Variants in MUC5B observed in about 807,000 individuals in gnomAD.
The protein encoded by MUC5B is mucin 5B, oligomeric mucus/gel-forming.
Under a neutral mutation model 376.9 loss-of-function variants are expected in MUC5B, and 116 were observed. That is an observed-to-expected ratio of 0.31 (90% CI 0.26 to 0.36). The LOEUF (loss-of-function observed/expected upper bound fraction) is 0.36. Ranked by LOEUF, MUC5B falls within the 10% of genes least tolerant of loss-of-function variation. The pLI is 1.00. For synonymous variants in MUC5B, 3,517 were observed against 3,390.9 expected (o/e 1.04, Z -1.29); for missense variants, 7,165 against 7,769.9 (o/e 0.92, Z 2.93).
At position 1,258,097 on chromosome 11, in the gene MUC5B, A is replaced by C. The variant is rs1378354278; in HGVS notation, c.16451-2A>C. 6 of 1,579,022 alleles carry C rather than the reference A, an allele frequency of 3.8e-6. No individual in the cohort carries two copies. The highest frequency in any genetic ancestry group is 5.2e-6 in the Non-Finnish European group (6 of 1,164,544). ...CAGACAGTGGCCTCCATCCTCCCGC[A>C]GTGTGCAACACAACCACCTGCCCCC... On this transcript the variant is annotated splice_acceptor_variant, in intron 41 of 48. Coordinates refer to ENST00000529681, the MANE Select transcript of MUC5B (RefSeq NM_002458.3). LOFTEE classifies it high-confidence loss of function. The surrounding 1 kb of genome is among the most constrained non-coding windows in gnomAD (Gnocchi z 5.5).
chr11:1,254,567 TG>T, intron 34 of MUC5B, 126 bp from the exon 35 acceptor site: 1 of 1,235,228 alleles, frequency 8.1e-7, no homozygotes, highest in Non-Finnish European at 1.1e-6. Flanking sequence ...AGGGAAGATC[TG>T]GGCTTTGGGG....
Position 1,230,114 on chromosome 11 carries a change from C to T in MUC5B, c.1330C>T (p.His444Tyr), listed in dbSNP as rs749291777. 3.4e-5 allele frequency: 54 copies of T among 1,611,288 alleles called. No individual in the cohort carries two copies. The highest frequency in any genetic ancestry group is 4.2e-5 in the Non-Finnish European group (50 of 1,179,034). The change falls in exon 11 of 49, where the codon CAT becomes TAT. Residue 444 changes from histidine (H) to tyrosine (Y), a missense_variant. Physicochemically the swap from His to Tyr is moderately conservative, Grantham distance 83. This residue lies in a region of MUC5B where 640 missense variants were observed against 733.0 expected (regional missense o/e 0.87). Coordinates refer to ENST00000529681, the MANE Select transcript of MUC5B (RefSeq NM_002458.3). Reference protein sequence around the residue: ...STYDEKLYDLHGDCSYVLSKK... With the variant: ...STYDEKLYDLYGDCSYVLSKK... ...CTATGATGAGAAACTCTACGACCTG[C>T]ATGGTGACTGCAGCTACGTTCTGTC...
At chr11:1,236,645 A>G (rs969097553) in intron 24 of MUC5B, 83 bp downstream of exon 24, 6 of 1,407,526 alleles carry the variant, frequency 4.3e-6, no homozygotes, top group Non-Finnish European at 5.8e-6. Context: ...GGTCTGTGGG[A>G]CTCGCTGACC....
In MUC5B at chr11:1,242,499, C is replaced by G. The variant is rs374068418; in HGVS notation, c.5619C>G (p.Asn1873Lys). ...TGRFNMCFNY[N>K]VRVLCCDDYS... Reference sequence around the variant, plus strand: ...GGTTCAACATGTGCTTCAACTACAACGTGCGTGTGCTTTGCTGTGACGACT... The same window carrying G: ...GGTTCAACATGTGCTTCAACTACAAGGTGCGTGTGCTTTGCTGTGACGACT... The change falls in exon 31 of 49, where the codon AAC (asparagine) becomes AAG (lysine). Residue 1873 changes from asparagine (N) to lysine (K), a missense_variant. Transcript: ENST00000529681. 6.2e-7 allele frequency: 1 copy of G among 1,613,812 alleles called. No individual in the cohort carries two copies. Among genetic ancestry groups the G allele is most frequent in the South Asian group, 1.1e-5 (1 of 91,086 alleles).
In MUC5B at chr11:1,239,471, G is replaced by T; in HGVS notation, c.3488G>T (p.Gly1163Val). 1.2e-6 allele frequency: 2 copies of T among 1,608,004 alleles called. No homozygotes were observed. The highest frequency in any genetic ancestry group is 1.7e-6 in the Non-Finnish European group (2 of 1,176,082). Residue 1163 changes from glycine (G) to valine (V), a missense_variant, in exon 27 of 49, where the codon GGC (glycine) becomes GTC (valine). Gly to Val is a moderately radical substitution (Grantham distance 109). Coordinates refer to ENST00000529681, the MANE Select transcript of MUC5B (RefSeq NM_002458.3). ...TGTGACTTCTACAACCCACATGGGG[G>T]CTGTGAGTGGCACTACCAGCCCTGC... is the stretch of plus-strand genomic sequence containing the variant. ...LFCDFYNPHGGCEWHYQPCGA... is the reference protein window; with the variant it reads ...LFCDFYNPHGVCEWHYQPCGA...
At position 1,240,851 on chromosome 11, in the gene MUC5B, G is replaced by T. The variant is rs1351671228; in HGVS notation, c.3971G>T (p.Ser1324Ile). The stretch of plus-strand genomic sequence containing the variant: ...GACCCCTTTCCCATGCCCCTTGCAG[G>T]CCCGGCCCTCCCGGTCTCCACCGTG... Reference protein sequence around the residue: ...TTAWVPHSTTSPALPVSTVCV... With the variant: ...TTAWVPHSTTIPALPVSTVCV... The change falls in exon 31 of 49, where the codon AGC becomes ATC. Residue 1324 changes from serine (S) to isoleucine (I), a missense_variant and splice_region_variant. Transcript: ENST00000529681. 1.9e-6 allele frequency: 3 copies of T among 1,605,588 alleles called. No individual in the cohort carries two copies. The African/African-American group carries it at 4.0e-5, about 21-fold the overall frequency.
intron 44 of MUC5B, 125 bp downstream of exon 44, chr11:1,259,186 G>C: frequency 1.0e-6 from 1 of 988,596 alleles, no homozygotes; most frequent in Non-Finnish European, 1.5e-6. Flanking sequence ...CGAGGCACCT[G>C]CCCCCAGGTG....
At chr11:1,232,903 C>T in intron 17 of MUC5B, 110 bp from the exon 18 acceptor site, 2 of 1,464,178 alleles carry the variant, frequency 1.4e-6, no homozygotes, top group South Asian at 2.8e-5. Flanking sequence ...CTCGCAAGAA[C>T]CTCATGCCCT....
chr11:1,224,960 C>G (rs1861848284), intron 1 of MUC5B, among the ~76,000 whole-genome samples: 1 of 152,206 alleles, frequency 6.6e-6, no homozygotes, highest in African/African-American at 2.4e-5. Flanking sequence ...CCAAACTGGG[C>G]AGACAATGGC....
In MUC5B at chr11:1,228,608, G is replaced by A; in HGVS notation, c.819G>A (p.Glu273=). 1 of 1,531,848 alleles carries A rather than the reference G, an allele frequency of 6.5e-7. No homozygotes were observed. The highest frequency in any genetic ancestry group is 8.7e-7 in the Non-Finnish European group (1 of 1,144,576). The allele number at this position is 1,531,848 out of a possible 1,614,324, so 94.9% of individuals were successfully genotyped here. The change falls in exon 8 of 49, where the codon GAG becomes GAA. Residue 273 remains glutamate (E), a synonymous_variant. Transcript: ENST00000529681. ...HRTLLGPAFA[E]CHALVDSTAY... ...CCCTGCTGGGGCCGGCCTTTGCGGA[G>A]TGCCACGCACTGGTGGACAGCACTG... is the stretch of plus-strand genomic sequence containing the variant.
In MUC5B at chr11:1,237,171, C is replaced by G; in HGVS notation, c.3297+7C>G. ...CGCCGCCTGCCGCTCCCAGGTGGGG[C>G]TCTGGTCTTGGCAGGCAGGGTCTGG... On this transcript the variant is annotated splice_region_variant and intron_variant, in intron 25 of 48. Coordinates refer to ENST00000529681, the MANE Select transcript of MUC5B (RefSeq NM_002458.3). 1 of 1,424,936 alleles carries G rather than the reference C, an allele frequency of 7.0e-7. No homozygotes were observed. Among genetic ancestry groups the G allele is most frequent in the Non-Finnish European group, 9.2e-7 (1 of 1,085,582 alleles). 88.3% of individuals were successfully genotyped at this position (1,424,936 alleles called of 1,614,324 possible).
intron 18 of MUC5B, 42 bp downstream of exon 18, chr11:1,233,310 A>G: frequency 6.8e-7 from 1 of 1,475,812 alleles, no homozygotes; most frequent in Non-Finnish European, 9.0e-7. Context: ...GGTGCTCCTC[A>G]GAGCCACTTC....
chr11:1,246,116 C>T lies in MUC5B; in HGVS notation c.9236C>T (p.Thr3079Ile), dbSNP rs1041782781. 19 of 1,612,970 alleles carry T rather than the reference C, an allele frequency of 1.2e-5. No individual in the cohort carries two copies. Among genetic ancestry groups the T allele is most frequent in the African/African-American group, 2.7e-5 (2 of 74,634 alleles). The change falls in exon 31 of 49, where the codon ACC (threonine) becomes ATC (isoleucine). Residue 3079 changes from threonine (T) to isoleucine (I), a missense_variant. Physicochemically the swap from Thr to Ile is moderately conservative, Grantham distance 89. Coordinates refer to ENST00000529681, the MANE Select transcript of MUC5B (RefSeq NM_002458.3). ...IPSFTLGTTGTLPEQTTTPMA... is the reference protein window; with the variant it reads ...IPSFTLGTTGILPEQTTTPMA... Reference sequence around the variant, plus strand: ...TCCTTCACCCTTGGGACCACCGGGACCCTCCCAGAACAGACCACCACACCC... The same window carrying T: ...TCCTTCACCCTTGGGACCACCGGGATCCTCCCAGAACAGACCACCACACCC...
At position 1,242,936 on chromosome 11, in the gene MUC5B, C is replaced by A. The variant is rs1190244095; in HGVS notation, c.6056C>A (p.Thr2019Asn). The A allele has an allele frequency of 1.9e-6, 3 of 1,613,204 alleles. No individual in the cohort carries two copies. The highest frequency in any genetic ancestry group is 1.1e-5 in the South Asian group (1 of 91,004). The part of the protein sequence containing the change: ...TPSSTPETAH[T>N]STVLTATATT... The stretch of plus-strand genomic sequence containing the variant: ...TCCTCCACTCCAGAGACTGCCCACA[C>A]CTCCACAGTGCTTACCGCCACGGCC... Residue 2019 changes from threonine to asparagine, a missense_variant, in exon 31 of 49, where the codon ACC becomes AAC. Around this residue, in one of 31 missense-constraint regions of MUC5B, gnomAD observed 897 missense variants for 779.6 expected, o/e 1.15. Transcript: ENST00000529681.
chr11:1,252,529 GC>G lies in MUC5B; in HGVS notation c.15045+9del. 6.5e-7 allele frequency: 1 copy of G among 1,533,902 alleles called. No individual in the cohort carries two copies. Among genetic ancestry groups the G allele is most frequent in the Non-Finnish European group, 8.8e-7 (1 of 1,140,100 alleles). ...AATGCCATCCCTCTCCGGCAGGTGGGCCCCGCCTGCCCTCCACCTCCCGTGC... is the reference window on the plus strand; with the variant it reads ...AATGCCATCCCTCTCCGGCAGGTGGGCCCGCCTGCCCTCCACCTCCCGTGC... On this transcript the variant is annotated splice_donor_region_variant and intron_variant, in intron 32 of 48. Coordinates refer to ENST00000529681, the MANE Select transcript of MUC5B (RefSeq NM_002458.3).
intron 25 of MUC5B, 54 bp from the exon 26 acceptor site, chr11:1,238,817 C>A (rs1209581829): frequency 2.9e-5 from 44 of 1,528,874 alleles, no homozygotes; most frequent in Middle Eastern, 1.8e-4. Flanking sequence ...CCAGCCACCC[C>A]CTGGCCGGGG....
chr11:1,259,220 A>G (rs1285160197), intron 44 of MUC5B, among the ~76,000 whole-genome samples, 159 bp downstream of exon 44: 35 of 105,300 alleles, frequency 3.3e-4, no homozygotes, highest in Middle Eastern at 6.0e-3. Context: ...CTTGCCCCCA[A>G]GTGAGACCCG....
intron 12 of MUC5B, 54 bp downstream of exon 12, chr11:1,230,654 T>G (rs1862006746): frequency 1.3e-5 from 20 of 1,492,824 alleles, no homozygotes; most frequent in East Asian, 2.4e-5. Flanking sequence ...TGCGAAGGTG[T>G]GTGGGGAGCA....
chr11:1,244,381 A>G lies in MUC5B; in HGVS notation c.7501A>G (p.Thr2501Ala). Residue 2501 changes from threonine (T) to alanine (A), a missense_variant, in exon 31 of 49, where the codon ACG becomes GCG. Transcript: ENST00000529681. Reference sequence around the variant, plus strand: ...CACCCCACATGTGAGCACCACGGCCACGACACCCACAGTCACCAGCTCCAA... The same window carrying G: ...CACCCCACATGTGAGCACCACGGCCGCGACACCCACAGTCACCAGCTCCAA... ...AGTPHVSTTA[T>A]TPTVTSSKAT... 8.1e-6 allele frequency: 13 copies of G among 1,596,102 alleles called. No individual in the cohort carries two copies. Among genetic ancestry groups the G allele is most frequent in the Non-Finnish European group, 1.1e-5 (13 of 1,167,874 alleles).
Sources: gnomAD v4.1 joint callset for allele counts (sites outside exome capture counted in the v4.1 genomes callset) on GRCh38, gnomAD v4.1.1 for gene constraint, gnomAD v4.1.1 regional missense constraint, Gnocchi (gnomAD v3.1) non-coding constraint, MANE v1.5 for transcripts, NCBI Gene and HGNC (gene_info 2026-07-23, HGNC 2026-07-21) for gene names.